The following IGBP1C variants were observed in gnomAD, a reference collection of about 807,000 sequenced individuals.
IGBP1C encodes the protein IGBP1 family member C, also known as immunoglobulin-binding protein 1 family member C.
the IGBP1C span, among the ~76,000 whole-genome samples, chr17:58,684,307 C>A: frequency 5.5e-4 from 84 of 151,688 alleles, no homozygotes; most frequent in Non-Finnish European, 9.4e-4. Flanking sequence ...ACTAAAAATA[C>A]AAAAATTAGT....
the IGBP1C span, chr17:58,660,665 T>A: frequency 1.3e-6 from 1 of 783,802 alleles, no homozygotes. Context: ...TGTTTGTTCA[T>A]CATCCTCTTC....
the IGBP1C span, among the ~76,000 whole-genome samples, chr17:58,690,035 G>C: frequency 6.6e-6 from 1 of 151,964 alleles, no homozygotes; most frequent in Admixed American, 6.6e-5. Context: ...ATTTTTAGTA[G>C]AGACGGGGTT....
the IGBP1C span, among the ~76,000 whole-genome samples, chr17:58,683,957 C>T: frequency 6.6e-6 from 1 of 151,204 alleles, no homozygotes; most frequent in Non-Finnish European, 1.5e-5. Flanking sequence ...CCCAGCTACT[C>T]GGGAGGCTGA....
At chr17:58,667,370 A>G in the IGBP1C span, among the ~76,000 whole-genome samples, 5 of 152,292 alleles carry the variant, frequency 3.3e-5, no homozygotes, top group African/African-American at 1.2e-4. Flanking sequence ...AGTTTTTGTG[A>G]AGACTAAAAC....
chr17:58,677,949 A>G, the IGBP1C span, among the ~76,000 whole-genome samples: 2 of 152,252 alleles, frequency 1.3e-5, no homozygotes, highest in Non-Finnish European at 2.9e-5. Flanking sequence ...CAGGAGTTCA[A>G]GACCAGCCTG....
the IGBP1C span, among the ~76,000 whole-genome samples, chr17:58,688,058 T>A: frequency 1.3e-5 from 2 of 152,186 alleles, no homozygotes; most frequent in African/African-American, 4.8e-5. Flanking sequence ...GTGGATCAAG[T>A]CAAAGAAAAT....
chr17:58,661,572 G>C, the IGBP1C span: 2 of 736,742 alleles, frequency 2.7e-6, no homozygotes, highest in Admixed American at 2.0e-5. Context: ...CGCGGCGGCG[G>C]CAGGAACTCG....
the IGBP1C span, among the ~76,000 whole-genome samples, chr17:58,690,835 G>C: frequency 6.6e-6 from 1 of 152,234 alleles, no homozygotes; most frequent in South Asian, 2.1e-4. Flanking sequence ...AAGGATGCTA[G>C]GTTTGAATCT....
the IGBP1C span, among the ~76,000 whole-genome samples, chr17:58,688,485 G>C: frequency 6.6e-6 from 1 of 152,132 alleles, no homozygotes; most frequent in East Asian, 1.9e-4. Flanking sequence ...ATTCTATAAG[G>C]ATTTATTCCA....
the IGBP1C span, chr17:58,661,204 C>A: frequency 2.5e-6 from 2 of 799,718 alleles, no homozygotes; most frequent in Non-Finnish European, 4.6e-6. Context: ...CTGAGTTGGT[C>A]TTGGTTTGGG....
the IGBP1C span, among the ~76,000 whole-genome samples, chr17:58,686,926 C>T: frequency 2.2e-5 from 3 of 136,746 alleles, no homozygotes; most frequent in Admixed American, 8.4e-5. Context: ...CACCCTAGAG[C>T]GCAGGGGAGG....
chr17:58,687,025 C>G, the IGBP1C span, among the ~76,000 whole-genome samples: 2 of 151,936 alleles, frequency 1.3e-5, no homozygotes, highest in Admixed American at 1.3e-4. Flanking sequence ...AGATGCCCAC[C>G]ACCACACCTG....
At chr17:58,681,082 G>C in the IGBP1C span, among the ~76,000 whole-genome samples, 5 of 152,048 alleles carry the variant, frequency 3.3e-5, no homozygotes, top group Non-Finnish European at 7.4e-5. Context: ...AGGAGTTCAA[G>C]ACCAGCCTGG....
the IGBP1C span, among the ~76,000 whole-genome samples, chr17:58,678,549 A>G: frequency 6.6e-6 from 1 of 152,096 alleles, no homozygotes; most frequent in Non-Finnish European, 1.5e-5. Context: ...GCTGGAAACC[A>G]TCATTCTGAG....
At chr17:58,662,415 T>TCACACACACACA in the IGBP1C span, among the ~76,000 whole-genome samples, 351 of 114,984 alleles carry the variant, frequency 3.1e-3, 1 homozygote, top group African/African-American at 6.4e-3. Context: ...CACACATATC[T>TCACACACACACA]CACACACACA....
chr17:58,667,861 C>G, the IGBP1C span, among the ~76,000 whole-genome samples: 2 of 151,296 alleles, frequency 1.3e-5, no homozygotes, highest in Non-Finnish European at 1.5e-5. Context: ...CCACCGCACT[C>G]CAGCCTGGGC....
the IGBP1C span, among the ~76,000 whole-genome samples, chr17:58,673,136 G>A: frequency 9.2e-5 from 14 of 151,988 alleles, no homozygotes; most frequent in Admixed American, 3.3e-4. Flanking sequence ...AACTCTGAGG[G>A]GATGTTTTTG....
At chr17:58,661,692 G>A in the IGBP1C span, 3 of 596,014 alleles carry the variant, frequency 5.0e-6, no homozygotes, top group Admixed American at 3.1e-5. Flanking sequence ...TCTGAATCGG[G>A]CGCTGCACGG....
the IGBP1C span, among the ~76,000 whole-genome samples, chr17:58,674,005 G>A: frequency 6.6e-6 from 1 of 152,196 alleles, no homozygotes; most frequent in South Asian, 2.1e-4. Flanking sequence ...CGGGTGCGGT[G>A]TCTCCCACCT....
Sources: gnomAD v4.1 joint callset for allele counts (sites outside exome capture counted in the v4.1 genomes callset) on GRCh38, gnomAD v4.1.1 for gene constraint, MANE v1.5 for transcripts, NCBI Gene and HGNC (gene_info 2026-07-23, HGNC 2026-07-21) for gene names.